Variants in WDPCP observed in about 807,000 individuals in gnomAD.
The protein encoded by WDPCP is WD repeat containing planar cell polarity effector.
Under a neutral mutation model 93.1 loss-of-function variants are expected in WDPCP, and 71 were observed. The observed-to-expected ratio is 0.76, with a 90% CI of 0.63 to 0.93. The LOEUF (loss-of-function observed/expected upper bound fraction) is 0.93, where lower values mean the gene tolerates loss of function less well. Among genes scored for constraint, WDPCP ranks in the 40% least tolerant of loss-of-function variants. The pLI, the probability that WDPCP is intolerant of heterozygous loss-of-function variation, is 0.00. For missense variants in WDPCP, 844 were observed against 887.4 expected, an observed-to-expected ratio of 0.95 and a Z score of 0.62; for synonymous variants, 315 against 315.0, an observed-to-expected ratio of 1.00 and a Z score of 0.00.
chr2:63,199,173 T>A (rs1390979643), intron 14 of WDPCP, among the ~76,000 whole-genome samples: 1 of 152,134 alleles, frequency 6.6e-6, no homozygotes, highest in Non-Finnish European at 1.5e-5. Context: ...GTAGAGATGA[T>A]CTGAAACTGG....
At chr2:63,595,451 C>A in intron 3 of WDPCP, 1 of 1,612,238 alleles carries the variant, frequency 6.2e-7, no homozygotes, top group Non-Finnish European at 8.5e-7. Flanking sequence ...TTGGATATCA[C>A]CCCCATGATG....
chr2:63,696,619 C>T (rs949566863), intron 2 of WDPCP, among the ~76,000 whole-genome samples: 1 of 152,210 alleles, frequency 6.6e-6, no homozygotes, highest in African/African-American at 2.4e-5. Flanking sequence ...TCACTGAGTA[C>T]ACACCAATGC....
chr2:63,530,283 T>C (rs1266380604), intron 1 of WDPCP, among the ~76,000 whole-genome samples: 5 of 152,206 alleles, frequency 3.3e-5, no homozygotes, highest in Non-Finnish European at 7.3e-5. Flanking sequence ...GTTCTTTTCA[T>C]TGTGATGTTA....
At chr2:63,588,510 T>C, upstream of WDPCP, 1 of 611,226 alleles carries the variant, frequency 1.6e-6, no homozygotes, top group Non-Finnish European at 2.9e-6. Context: ...GTCAATCGTT[T>C]TTTAAAAGAT....
At chr2:63,696,088 G>C (rs1255145509) in intron 2 of WDPCP, among the ~76,000 whole-genome samples, 1 of 152,092 alleles carries the variant, frequency 6.6e-6, no homozygotes, top group African/African-American at 2.4e-5. Flanking sequence ...GTAGCAGGTG[G>C]GTAGAACCTT....
At chr2:63,765,680 C>A (rs1399822624) in intron 2 of WDPCP, among the ~76,000 whole-genome samples, 2 of 152,186 alleles carry the variant, frequency 1.3e-5, no homozygotes, top group Non-Finnish European at 2.9e-5. Context: ...CAAAATTATC[C>A]TGGACTCTGG....
intron 14 of WDPCP, among the ~76,000 whole-genome samples, chr2:63,212,258 C>T (rs1370464305): frequency 6.6e-6 from 1 of 152,222 alleles, no homozygotes; most frequent in African/African-American, 2.4e-5. Context: ...ATCAGACTAA[C>T]AGCAGATCTC....
chr2:63,362,274 T>TTTTTTGTTG (rs764194233), intron 12 of WDPCP, among the ~76,000 whole-genome samples: 5 of 57,974 alleles, frequency 8.6e-5, no homozygotes, highest in African/African-American at 3.9e-4. Context: ...TTTTTTTTTT[T>TTTTTTGTTG]GGTTGTGTGT....
intron 12 of WDPCP, among the ~76,000 whole-genome samples, chr2:63,338,570 ATATATATATATATATATATATATATATAT>A (rs1688616363): frequency 1.9e-4 from 1 of 5,318 alleles, no homozygotes; most frequent in Non-Finnish European, 2.4e-4. Context: ...AAAAAAAAAA[ATATATATATATATATATATATATATATAT>A]ATATATATAT....
At chr2:63,258,891 A>G (rs2104768553) in intron 14 of WDPCP, among the ~76,000 whole-genome samples, 1 of 152,284 alleles carries the variant, frequency 6.6e-6, no homozygotes, top group East Asian at 1.9e-4. Flanking sequence ...ATCACCCATC[A>G]AACCCAAAAT....
intron 1 of WDPCP, among the ~76,000 whole-genome samples, chr2:63,825,030 A>C (rs1168530305): frequency 1.3e-5 from 2 of 152,222 alleles, no homozygotes; most frequent in South Asian, 2.1e-4. Flanking sequence ...TAAATCCTTA[A>C]GAAATCTTTA....
At chr2:63,441,581 A>G (rs1697508250) in intron 6 of WDPCP, 1 of 151,928 alleles carries the variant, frequency 6.6e-6, no homozygotes. Flanking sequence ...TGCTCAACAA[A>G]TGTTTGGAGA....
At chr2:63,470,498 C>G (rs1273927346) in intron 6 of WDPCP, among the ~76,000 whole-genome samples, 5 of 152,072 alleles carry the variant, frequency 3.3e-5, no homozygotes, top group Non-Finnish European at 7.4e-5. Flanking sequence ...ATTCTGATGC[C>G]TCAACACTCA....
At chr2:63,549,986 C>T (rs1226379424) in intron 1 of WDPCP, among the ~76,000 whole-genome samples, 1 of 152,054 alleles carries the variant, frequency 6.6e-6, no homozygotes, top group East Asian at 1.9e-4. Context: ...CCCTCCACTC[C>T]AGACCTTTCT....
rs547942751 is a variant in WDPCP, at chr2:63,278,608, A to G, written c.1813-19199T>C. 3.3e-5 allele frequency among the ~76,000 whole-genome samples: 5 copies of G among 152,280 alleles called. No homozygotes were observed. In the East Asian group the frequency reaches 9.7e-4, roughly 29 times the overall value. ...TTTGGGAGGCTGAGGCAGGCAGATC[A>G]TGAGGTCAGGAGATTGAGACCATCC... On this transcript the variant is annotated intron_variant, in intron 13 of 17. Coordinates refer to ENST00000272321, the MANE Select transcript of WDPCP (RefSeq NM_015910.7).
intron 10 of WDPCP, among the ~76,000 whole-genome samples, chr2:63,402,926 G>A (rs1426509149): frequency 6.6e-6 from 1 of 152,094 alleles, no homozygotes; most frequent in East Asian, 1.9e-4. Context: ...TCCCATTATT[G>A]GGTATATATC....
intron 17 of WDPCP, among the ~76,000 whole-genome samples, chr2:63,125,403 A>G (rs1481000182): frequency 6.6e-6 from 1 of 152,224 alleles, no homozygotes; most frequent in Non-Finnish European, 1.5e-5. Flanking sequence ...AATAAGAAAC[A>G]TCTATGTGAC....
intron 9 of WDPCP, among the ~76,000 whole-genome samples, chr2:63,430,037 T>C (rs373227346): frequency 6.8e-4 from 102 of 149,032 alleles, no homozygotes; most frequent in African/African-American, 2.4e-3. Context: ...TGAAATACTA[T>C]GCAGCCATAA....
At chr2:63,360,808 C>T (rs1690389319) in intron 12 of WDPCP, among the ~76,000 whole-genome samples, 1 of 152,178 alleles carries the variant, frequency 6.6e-6, no homozygotes, top group South Asian at 2.1e-4. Flanking sequence ...TTCTTCCATT[C>T]CAGCTGCAGG....
Sources: gnomAD v4.1 joint callset for allele counts (sites outside exome capture counted in the v4.1 genomes callset) on GRCh38, gnomAD v4.1.1 for gene constraint, MANE v1.5 for transcripts, NCBI Gene and HGNC (gene_info 2026-07-23, HGNC 2026-07-21) for gene names.